The following HS1BP3 variants were observed in gnomAD, a reference collection of about 807,000 sequenced individuals.
HS1BP3 encodes the protein HCLS1 binding protein 3, also known as HCLS1-binding protein 3.
In HS1BP3, 32 loss-of-function variants were observed where a neutral mutation model predicts 33.5. That is an observed-to-expected ratio of 0.95 (90% CI 0.72 to 1.28). HS1BP3 has a LOEUF of 1.28. Ranked by LOEUF, HS1BP3 falls within the 50% of genes most tolerant of loss-of-function variation. The probability of loss-of-function intolerance (pLI) is 0.00; values close to 1 mark genes in which losing one functional copy is unlikely to be tolerated. For synonymous variants in HS1BP3, 187 were observed against 209.2 expected (o/e 0.89, Z 0.92); for missense variants, 486 against 502.3 (o/e 0.97, Z 0.31).
At chr2:20,598,262 C>A in exon 3 of HS1BP3, 1 of 426,372 alleles carries the variant, frequency 2.3e-6, no homozygotes, top group Non-Finnish European at 4.8e-6. Context: ...CTAGATGGTC[C>A]CACCTTCAGG....
chr2:20,596,359 G>T (rs1451682737), intron 3 of HS1BP3, among the ~76,000 whole-genome samples: 1 of 152,154 alleles, frequency 6.6e-6, no homozygotes. Context: ...AACCCCCAAG[G>T]CGCTGGTATT....
intron 5 of HS1BP3, among the ~76,000 whole-genome samples, chr2:20,566,258 G>A (rs1033788604): frequency 2.6e-5 from 4 of 152,220 alleles, no homozygotes; most frequent in East Asian, 1.9e-4. Flanking sequence ...CATCTCCCCC[G>A]CCTGTGCCGG....
At chr2:20,628,047 A>G (rs1233545737) in intron 4 of HS1BP3, among the ~76,000 whole-genome samples, 1 of 152,192 alleles carries the variant, frequency 6.6e-6, no homozygotes, top group Non-Finnish European at 1.5e-5. Flanking sequence ...TCCCAACCCC[A>G]GTCTCAGACA....
chr2:20,638,710 A>G, intron 3 of HS1BP3, 58 bp from the exon 4 acceptor site: 1 of 1,362,292 alleles, frequency 7.3e-7, no homozygotes, highest in Non-Finnish European at 1.0e-6. Context: ...CAGGGGAGGC[A>G]TCTTGCCACA....
chr2:20,601,770 CT>C (rs35644786), intron 2 of HS1BP3, among the ~76,000 whole-genome samples: 217 of 69,132 alleles, frequency 3.1e-3, no homozygotes, highest in African/African-American at 7.0e-3. Context: ...AGTGTGTCTT[CT>C]TTTTTTTTTT....
In HS1BP3 at chr2:20,619,149, C is replaced by T. The variant is rs139078947; in HGVS notation, c.1017G>A (p.Val339=). ...GGGGAACAGCTGGTTTTCTGGGTAT[C>T]ACCGGCTTAGCTGCCACTGGTGGCT... The part of the protein sequence containing the change: ...KPKPPVAAKP[V]IPRKPAVPPK... Residue 339 remains valine, a synonymous_variant, in exon 7 of 7, where the codon GTG becomes GTA. Transcript: ENST00000304031. 389 of 1,614,174 alleles carry T rather than the reference C, an allele frequency of 2.4e-4. 3 individuals carry two copies. The East Asian group carries it at 8.6e-3, about 36-fold the overall frequency.
At chr2:20,567,028 A>T (rs898450737) in intron 5 of HS1BP3, among the ~76,000 whole-genome samples, 13 of 152,210 alleles carry the variant, frequency 8.5e-5, no homozygotes, top group Middle Eastern at 3.4e-3. Flanking sequence ...TCCTGACACC[A>T]TGGAAGTCAC....
intron 5 of HS1BP3, among the ~76,000 whole-genome samples, chr2:20,565,672 T>TCATCC (rs1339705839): frequency 6.6e-6 from 1 of 152,174 alleles, no homozygotes; most frequent in African/African-American, 2.4e-5. Context: ...ACAGCTGCAC[T>TCATCC]CATCCCACTG....
chr2:20,591,413 T>G (rs571060525), downstream of HS1BP3, among the ~76,000 whole-genome samples: 18 of 152,170 alleles, frequency 1.2e-4, no homozygotes, highest in African/African-American at 3.4e-4. Flanking sequence ...AACATAGGTG[T>G]GGCCACCAGC....
the HS1BP3 span, among the ~76,000 whole-genome samples, chr2:20,553,965 C>A: frequency 1.3e-5 from 2 of 152,178 alleles, no homozygotes; most frequent in South Asian, 2.1e-4. Flanking sequence ...GGATGAAGGA[C>A]GGTTTAGTAT....
At chr2:20,575,950 G>A (rs1048187874) in intron 5 of HS1BP3, among the ~76,000 whole-genome samples, 1 of 152,152 alleles carries the variant, frequency 6.6e-6, no homozygotes, top group African/African-American at 2.4e-5. Context: ...ACTGGGGAGG[G>A]GGACCTGAAA....
chr2:20,646,009 CAG>C (rs1213516315), intron 1 of HS1BP3, among the ~76,000 whole-genome samples: 1 of 152,234 alleles, frequency 6.6e-6, no homozygotes, highest in Non-Finnish European at 1.5e-5. Context: ...CACCGTGGCC[CAG>C]AGAGGCACTG....
chr2:20,564,495 G>GT (rs1054419212), intron 5 of HS1BP3, among the ~76,000 whole-genome samples: 1 of 151,882 alleles, frequency 6.6e-6, no homozygotes, highest in Non-Finnish European at 1.5e-5. Context: ...TTTTGTTTTT[G>GT]TTTTTTTGAG....
chr2:20,616,890 C>T (rs1468415063), downstream of HS1BP3, among the ~76,000 whole-genome samples: 1 of 152,124 alleles, frequency 6.6e-6, no homozygotes, highest in Admixed American at 6.5e-5. Flanking sequence ...GGCCATGAGT[C>T]GCAGTCCTGT....
rs138409364 is a variant in HS1BP3, at chr2:20,575,300, C to T, written c.303-14785G>A. Among the ~76,000 whole-genome samples, 249 of 152,368 alleles carry T rather than the reference C, an allele frequency of 1.6e-3. 1 individual carries two copies. The highest frequency in any genetic ancestry group is 5.6e-3 in the African/African-American group (233 of 41,584). The stretch of plus-strand genomic sequence containing the variant: ...ACCTGAATCAGGGCCGCAGCCTGGA[C>T]AGGCAGGGCTAGGGACAGGAAGGCC... On this transcript the variant is annotated intron_variant, in intron 5 of 5. Coordinates refer to the HS1BP3 transcript ENST00000446825.
chr2:20,627,618 G>A (rs1406823179), intron 4 of HS1BP3, among the ~76,000 whole-genome samples: 1 of 152,140 alleles, frequency 6.6e-6, no homozygotes, highest in Non-Finnish European at 1.5e-5. Flanking sequence ...CCCTTTTGTT[G>A]TCCTGAACTG....
At chr2:20,608,480 A>C (rs895002310) in intron 2 of HS1BP3, among the ~76,000 whole-genome samples, 1 of 150,576 alleles carries the variant, frequency 6.6e-6, no homozygotes, top group African/African-American at 2.4e-5. Flanking sequence ...AGACTGAAGC[A>C]GGAGAATCTC....
chr2:20,568,271 C>T (rs147345739), intron 5 of HS1BP3, among the ~76,000 whole-genome samples: 4 of 152,094 alleles, frequency 2.6e-5, no homozygotes, highest in South Asian at 2.1e-4. Flanking sequence ...TAGAGGAGGG[C>T]GGGAAGGAGT....
At chr2:20,623,709 C>T (rs938599467) in intron 6 of HS1BP3, 187 bp downstream of exon 6, 10 of 577,580 alleles carry the variant, frequency 1.7e-5, no homozygotes, top group African/African-American at 5.8e-5. Context: ...CCCTGGGCTG[C>T]GGATCCTCCC....
Sources: gnomAD v4.1 joint callset for allele counts (sites outside exome capture counted in the v4.1 genomes callset) on GRCh38, gnomAD v4.1.1 for gene constraint, MANE v1.5 for transcripts, NCBI Gene and HGNC (gene_info 2026-07-23, HGNC 2026-07-21) for gene names.